CTNNA3: variants seen among roughly 807,000 people sequenced by gnomAD.
CTNNA3 encodes catenin alpha-3.
In CTNNA3, 76 loss-of-function variants were observed where a neutral mutation model predicts 95.7. The observed-to-expected ratio is 0.79, with a 90% CI of 0.66 to 0.96. The LOEUF is 0.96. CTNNA3 is among the 40% of genes least tolerant of loss of function. CTNNA3 has a pLI of 0.00. For missense variants in CTNNA3, 1,191 were observed against 1,089.8 expected, an observed-to-expected ratio of 1.09 and a Z score of -1.31; for synonymous variants, 431 against 374.4, an observed-to-expected ratio of 1.15 and a Z score of -1.74.
chr10:67,258,811 T>G (rs901283581), intron 5 of CTNNA3, among the ~76,000 whole-genome samples: 10 of 152,148 alleles, frequency 6.6e-5, no homozygotes, highest in Non-Finnish European at 1.3e-4. Context: ...TGTTCAAATA[T>G]TCCCTCAAGA....
At chr10:66,040,947 A>G (rs2079674461) in intron 15 of CTNNA3, among the ~76,000 whole-genome samples, 1 of 152,204 alleles carries the variant, frequency 6.6e-6, no homozygotes, top group Non-Finnish European at 1.5e-5. Context: ...AAATAATTTC[A>G]TAGTCTCAAA....
intron 5 of CTNNA3, among the ~76,000 whole-genome samples, chr10:67,231,681 G>A (rs1454116661): frequency 6.8e-6 from 1 of 148,070 alleles, no homozygotes; most frequent in African/African-American, 2.4e-5. Flanking sequence ...CGGAGAATGA[G>A]AGAAGAAGGC....
chr10:66,022,178 C>T (rs6480127), intron 15 of CTNNA3, among the ~76,000 whole-genome samples: 108,216 of 151,922 alleles, frequency 0.71, 38,890 homozygotes, highest in East Asian at 0.95. Flanking sequence ...CTTTCATAAA[C>T]GTAAGGATTT....
chr10:67,229,599 G>A (rs1052688455), intron 5 of CTNNA3, among the ~76,000 whole-genome samples: 5 of 152,134 alleles, frequency 3.3e-5, no homozygotes, highest in South Asian at 2.1e-4. Context: ...GTCCTAGAAC[G>A]ATACAAGAAT....
chr10:66,232,151 A>G (rs996179043), intron 13 of CTNNA3, among the ~76,000 whole-genome samples: 2 of 152,222 alleles, frequency 1.3e-5, no homozygotes, highest in Non-Finnish European at 2.9e-5. Context: ...CCTTGATTTC[A>G]GTCTAGTTCG....
chr10:66,138,187 A>G (rs1048463141), intron 13 of CTNNA3, among the ~76,000 whole-genome samples: 1 of 152,168 alleles, frequency 6.6e-6, no homozygotes, highest in Non-Finnish European at 1.5e-5. Flanking sequence ...TGCATTTTCA[A>G]AGACAAAGTT....
intron 5 of CTNNA3, among the ~76,000 whole-genome samples, chr10:67,430,892 A>T (rs893993433): frequency 2.0e-5 from 3 of 150,894 alleles, no homozygotes; most frequent in Admixed American, 1.3e-4. Context: ...CTGTTCTCCA[A>T]GTGGGCAAGA....
At chr10:66,085,015 C>G (rs1487988290) in intron 14 of CTNNA3, 1 of 151,928 alleles carries the variant, frequency 6.6e-6, no homozygotes, top group Non-Finnish European at 1.5e-5. Context: ...GTGACAAAGC[C>G]CTCCTTGAGC....
chr10:67,529,001 G>T (rs1268732643), intron 4 of CTNNA3, among the ~76,000 whole-genome samples: 1 of 152,144 alleles, frequency 6.6e-6, no homozygotes, highest in Non-Finnish European at 1.5e-5. Context: ...CATGAAAATT[G>T]CTAGAGTAAA....
chr10:66,978,552 A>AAAAAAAAAAAAAAAAAT, intron 7 of CTNNA3, among the ~76,000 whole-genome samples: 1 of 37,866 alleles, frequency 2.6e-5, no homozygotes, highest in Admixed American at 4.9e-4. Context: ...AAAAAAAAAA[A>AAAAAAAAAAAAAAAAAT]ATATATATAT....
intron 13 of CTNNA3, among the ~76,000 whole-genome samples, chr10:66,253,675 G>T (rs2090647711): frequency 1.3e-5 from 2 of 152,102 alleles, no homozygotes; most frequent in South Asian, 4.1e-4. Flanking sequence ...AGGTGTTCAA[G>T]ATATGTCTTT....
intron 13 of CTNNA3, among the ~76,000 whole-genome samples, chr10:66,190,211 T>A (rs541893736): frequency 2.2e-4 from 33 of 152,248 alleles, no homozygotes; most frequent in Non-Finnish European, 4.1e-4. Context: ...GGATCTTCAA[T>A]AACAGTAATA....
intron 2 of CTNNA3, among the ~76,000 whole-genome samples, chr10:67,640,520 G>A (rs1310614032): frequency 2.6e-5 from 4 of 151,992 alleles, no homozygotes; most frequent in Non-Finnish European, 5.9e-5. Context: ...AGTTCATATG[G>A]AACCAAAAAA....
At chr10:67,150,113 T>C (rs918790026) in intron 7 of CTNNA3, among the ~76,000 whole-genome samples, 7 of 152,160 alleles carry the variant, frequency 4.6e-5, no homozygotes, top group African/African-American at 1.7e-4. Context: ...GAATAATTTA[T>C]CTCCAGTGTT....
chr10:67,418,746 A>G (rs1845633403), intron 5 of CTNNA3, among the ~76,000 whole-genome samples: 1 of 152,190 alleles, frequency 6.6e-6, no homozygotes, highest in African/African-American at 2.4e-5. Flanking sequence ...AATAAGTTCA[A>G]GAAATCTATT....
At chr10:67,507,534 C>CA (rs1053294630) in intron 5 of CTNNA3, among the ~76,000 whole-genome samples, 15 of 108,058 alleles carry the variant, frequency 1.4e-4, no homozygotes, top group South Asian at 3.0e-4. Flanking sequence ...AACTCCATCT[C>CA]AAAAAAAAAA....
At chr10:67,233,760 G>A (rs1482552227) in intron 5 of CTNNA3, among the ~76,000 whole-genome samples, 56 of 150,776 alleles carry the variant, frequency 3.7e-4, no homozygotes, top group Admixed American at 2.3e-3. Flanking sequence ...TTGATAGACC[G>A]CTAGCAAGAC....
chr10:66,683,271 G>A (rs898409680), intron 9 of CTNNA3, among the ~76,000 whole-genome samples: 1 of 152,030 alleles, frequency 6.6e-6, no homozygotes, highest in Non-Finnish European at 1.5e-5. Flanking sequence ...ATAGTCTTTG[G>A]GAATAAAGCT....
chr10:66,512,277 T>C (rs918446738), intron 11 of CTNNA3, among the ~76,000 whole-genome samples: 2 of 152,076 alleles, frequency 1.3e-5, no homozygotes, highest in African/African-American at 4.8e-5. Flanking sequence ...AAATGAGAAG[T>C]GAGTTTCACA....
Sources: allele counts gnomAD v4.1 joint callset (sites outside exome capture counted in the v4.1 genomes callset), GRCh38; gene constraint gnomAD v4.1.1; transcripts MANE v1.5; gene names NCBI Gene and HGNC (gene_info 2026-07-23, HGNC 2026-07-21).